Variants in NAV2 observed in about 807,000 individuals in gnomAD.
NAV2 encodes the protein neuron navigator 2, also known as helicase, APC down-regulated 1.
A neutral mutation model predicts 223.2 loss-of-function variants in NAV2; 54 were observed. The observed-to-expected ratio is 0.24, with a 90% CI of 0.19 to 0.30. The LOEUF is 0.30. Ranked by LOEUF, NAV2 falls within the 10% of genes least tolerant of loss-of-function variation. The pLI is 1.00. For synonymous variants in NAV2, 1,279 were observed against 1,239.3 expected, an observed-to-expected ratio of 1.03 and a Z score of -0.67; for missense variants, 2,806 against 3,147.5, an observed-to-expected ratio of 0.89 and a Z score of 2.60.
At chr11:20,069,458 T>C (rs2059261273) in intron 22 of NAV2, among the ~76,000 whole-genome samples, 1 of 152,084 alleles carries the variant, frequency 6.6e-6, no homozygotes, top group Non-Finnish European at 1.5e-5. Flanking sequence ...CAGTGCGTTT[T>C]AAGTAAGCAG....
chr11:19,819,555 G>C (rs571188430), intron 1 of NAV2, among the ~76,000 whole-genome samples: 57 of 152,326 alleles, frequency 3.7e-4, no homozygotes, highest in African/African-American at 1.3e-3. Context: ...CATGGGACCA[G>C]AGAACCTGCC....
intron 1 of NAV2, among the ~76,000 whole-genome samples, chr11:19,602,621 G>A (rs2046378098): frequency 6.6e-6 from 1 of 152,216 alleles, no homozygotes; most frequent in Non-Finnish European, 1.5e-5. Flanking sequence ...GGCGTGGGCA[G>A]AGCCATGCTT....
chr11:19,827,961 G>A (rs2059727923), intron 1 of NAV2, among the ~76,000 whole-genome samples: 1 of 151,968 alleles, frequency 6.6e-6, no homozygotes, highest in Admixed American at 6.6e-5. Context: ...TCTCTACCAA[G>A]GGGAGGAAGG....
chr11:19,389,821 C>T (rs1010817575), intron 1 of NAV2, among the ~76,000 whole-genome samples: 9 of 152,198 alleles, frequency 5.9e-5, no homozygotes, highest in South Asian at 2.1e-4. Context: ...GAAATTCTCT[C>T]GCCCAGCCCA....
At chr11:19,735,126 A>G (rs1329926210) in intron 1 of NAV2, among the ~76,000 whole-genome samples, 1 of 152,230 alleles carries the variant, frequency 6.6e-6, no homozygotes, top group East Asian at 1.9e-4. Flanking sequence ...CATATCACAT[A>G]GTAGGTACTC....
At chr11:19,740,986 T>C (rs1432627170) in intron 1 of NAV2, among the ~76,000 whole-genome samples, 2 of 152,192 alleles carry the variant, frequency 1.3e-5, no homozygotes, top group African/African-American at 4.8e-5. Flanking sequence ...CTGGGTGACT[T>C]ATCAGTAGAA....
intron 1 of NAV2, among the ~76,000 whole-genome samples, chr11:19,696,119 G>A (rs545855202): frequency 4.0e-5 from 6 of 151,788 alleles, no homozygotes; most frequent in African/African-American, 1.4e-4. Flanking sequence ...ACATAGAAAT[G>A]CTCTCCTGGT....
At chr11:19,462,162 T>A (rs1852190601) in intron 1 of NAV2, among the ~76,000 whole-genome samples, 1 of 152,216 alleles carries the variant, frequency 6.6e-6, no homozygotes, top group African/African-American at 2.4e-5. Context: ...AGCCACTGGC[T>A]TAACTGAGTG....
chr11:19,635,522 C>G (rs1218320279), intron 1 of NAV2, among the ~76,000 whole-genome samples: 1 of 152,088 alleles, frequency 6.6e-6, no homozygotes, highest in Non-Finnish European at 1.5e-5. Flanking sequence ...CTGGAAAGTC[C>G]AAGATTGGGC....
In NAV2 at chr11:19,665,421, C is replaced by T. The variant is rs79584347; in HGVS notation, c.76-167063C>T. Among the ~76,000 whole-genome samples, 540 of 152,302 alleles carry T rather than the reference C, an allele frequency of 3.5e-3. 2 individuals carry two copies. Among genetic ancestry groups the T allele is most frequent in the African/African-American group, 0.012 (516 of 41,560 alleles). ...CGGTTGCCTGACATCCCTTCTGGAGCTCCTGACAGCTCATGAGCCTCTCCT... is the reference window on the plus strand; with the variant it reads ...CGGTTGCCTGACATCCCTTCTGGAGTTCCTGACAGCTCATGAGCCTCTCCT... On this transcript the variant is annotated intron_variant, in intron 1 of 37. Transcript: ENST00000360655.
At chr11:20,005,951 T>C (rs1383284697) in intron 11 of NAV2, among the ~76,000 whole-genome samples, 1 of 152,194 alleles carries the variant, frequency 6.6e-6, no homozygotes. Context: ...ATTTCATCAT[T>C]TTAAAGATGA....
At chr11:19,547,013 G>A (rs2044520358) in intron 1 of NAV2, among the ~76,000 whole-genome samples, 1 of 152,198 alleles carries the variant, frequency 6.6e-6, no homozygotes, top group Non-Finnish European at 1.5e-5. Context: ...TCTTCAGAAT[G>A]GCAGGCATAG....
chr11:20,074,440 C>G (rs1391977275), intron 22 of NAV2, among the ~76,000 whole-genome samples: 1 of 152,166 alleles, frequency 6.6e-6, no homozygotes, highest in African/African-American at 2.4e-5. Flanking sequence ...CTGTAGATGT[C>G]TATTAGGTGT....
At chr11:19,456,646 G>A (rs1183014511) in intron 1 of NAV2, among the ~76,000 whole-genome samples, 1 of 152,166 alleles carries the variant, frequency 6.6e-6, no homozygotes, top group Non-Finnish European at 1.5e-5. Flanking sequence ...TCAACCCCAA[G>A]TCACTGAAGC....
chr11:19,437,998 T>A (rs971107938), intron 1 of NAV2, among the ~76,000 whole-genome samples: 1 of 152,236 alleles, frequency 6.6e-6, no homozygotes, highest in Non-Finnish European at 1.5e-5. Context: ...GTCTCTGGAA[T>A]GAATTCTTAA....
intron 1 of NAV2, among the ~76,000 whole-genome samples, chr11:19,654,623 C>G (rs1196861216): frequency 6.6e-6 from 1 of 152,084 alleles, no homozygotes; most frequent in African/African-American, 2.4e-5. Context: ...ACAAACCTGA[C>G]AAAAACAAGA....
intron 11 of NAV2, 21 bp downstream of exon 11, chr11:19,984,268 G>A: frequency 6.2e-7 from 1 of 1,613,514 alleles, no homozygotes; most frequent in Non-Finnish European, 8.5e-7. Flanking sequence ...TGCACTTGGG[G>A]CTGGTCAGAT....
intron 1 of NAV2, among the ~76,000 whole-genome samples, chr11:19,376,842 G>A (rs2702732): frequency 0.85 from 129,868 of 152,182 alleles, 56,019 homozygotes; most frequent in East Asian, 0.96. Flanking sequence ...CAGTGCTGGA[G>A]CCAAGTCTGG....
At chr11:19,723,727 C>T (rs910638996) in intron 1 of NAV2, among the ~76,000 whole-genome samples, 15 of 152,234 alleles carry the variant, frequency 9.9e-5, no homozygotes, top group Non-Finnish European at 2.2e-4. Flanking sequence ...CTGCTGTCCC[C>T]CAGGTGACCC....
Sources: gnomAD v4.1 joint callset for allele counts (sites outside exome capture counted in the v4.1 genomes callset) on GRCh38, gnomAD v4.1.1 for gene constraint, MANE v1.5 for transcripts, NCBI Gene and HGNC (gene_info 2026-07-23, HGNC 2026-07-21) for gene names.